The following PLCB2 variants were observed in gnomAD, a reference collection of about 807,000 sequenced individuals.
The protein encoded by PLCB2 is phospholipase C beta 2.
A neutral mutation model predicts 141.7 loss-of-function variants in PLCB2; 115 were observed. The observed-to-expected ratio is 0.81, with a 90% CI of 0.70 to 0.95. The LOEUF is 0.95. Ranked by LOEUF, PLCB2 falls within the 40% of genes least tolerant of loss-of-function variation. PLCB2 has a pLI of 0.00. For missense variants in PLCB2, 1,403 were observed against 1,541.1 expected (o/e 0.91, Z 1.50); for synonymous variants, 603 against 595.6 (o/e 1.01, Z -0.18).
At chr15:40,303,687 C>G (rs1340712633) in intron 2 of PLCB2, among the ~76,000 whole-genome samples, 1 of 152,188 alleles carries the variant, frequency 6.6e-6, no homozygotes, top group Non-Finnish European at 1.5e-5. Context: ...GGGCCTATCT[C>G]TCATCTCCCA....
chr15:40,304,114 C>T (rs2040673054), intron 1 of PLCB2, 36 bp from the exon 2 acceptor site: 1 of 1,475,296 alleles, frequency 6.8e-7, no homozygotes, highest in Admixed American at 1.9e-5. Flanking sequence ...TGTTCCAAGA[C>T]CTCAGGCCAA....
At chr15:40,301,903 T>G (rs2040527393) in intron 7 of PLCB2, 54 bp downstream of exon 7, 1 of 1,537,898 alleles carries the variant, frequency 6.5e-7, no homozygotes, top group African/African-American at 1.4e-5. Context: ...GCCAAGTTGC[T>G]TTCTGGTGGG....
Position 40,294,293 on chromosome 15 carries a change from C to T in PLCB2, c.2034G>A (p.Val678=). Residue 678 remains valine (V), a synonymous_variant, in exon 19 of 32, where the codon GTG becomes GTA. Coordinates refer to ENST00000260402, the MANE Select transcript of PLCB2 (RefSeq NM_004573.3). ...FNPFSVDRID[V]VVATTLSITV... is the part of the protein sequence containing the mutation. The stretch of plus-strand genomic sequence containing the variant: ...TAATGGAAAGGGTGGTGGCCACCAC[C>T]ACGTCGATGCGGTCCACTGAGAAGG... The T allele has an allele frequency of 6.2e-7, 1 of 1,613,988 alleles. No individual in the cohort carries two copies. The highest frequency in any genetic ancestry group is 8.5e-7 in the Non-Finnish European group (1 of 1,180,026).
In PLCB2 at chr15:40,296,579, C is replaced by T; in HGVS notation, c.1542G>A (p.Glu514=). 6.2e-7 allele frequency: 1 copy of T among 1,613,300 alleles called. No individual in the cohort carries two copies. Among genetic ancestry groups the T allele is most frequent in the Non-Finnish European group, 8.5e-7 (1 of 1,179,458 alleles). Residue 514 remains glutamate (E), a synonymous_variant, in exon 15 of 32, where the codon GAG becomes GAA. Coordinates refer to ENST00000260402, the MANE Select transcript of PLCB2 (RefSeq NM_004573.3). ...CATCCAGGTTTCCTGACTCCTCCTCCTCTTCCTCTTCCACCTCCTCCTCCT... is the reference window on the plus strand; with the variant it reads ...CATCCAGGTTTCCTGACTCCTCCTCTTCTTCCTCTTCCACCTCCTCCTCCT... ...ELEEEEVEEE[E]EEESGNLDEE...
In PLCB2 at chr15:40,295,219, G is replaced by C. The variant is rs932400537; in HGVS notation, c.1763C>G (p.Ala588Gly). Reference protein sequence around the residue: ...ELKAYDLLSKASVQFVDYNKR... With the variant: ...ELKAYDLLSKGSVQFVDYNKR... Reference sequence around the variant, plus strand: ...AGGATACTCCACAAACTGCACCGAGGCCTTGGAGAGCAGGTCATATGCCTT... The same window carrying C: ...AGGATACTCCACAAACTGCACCGAGCCCTTGGAGAGCAGGTCATATGCCTT... Residue 588 changes from alanine to glycine, a missense_variant, in exon 17 of 32, where the codon GCC becomes GGC. Transcript: ENST00000260402. The C allele has an allele frequency of 3.1e-6, 5 of 1,613,756 alleles. No individual in the cohort carries two copies. The highest frequency in any genetic ancestry group is 4.2e-6 in the Non-Finnish European group (5 of 1,179,648).
Position 40,302,358 on chromosome 15 carries a change from C to T in PLCB2, c.373-9G>A, listed in dbSNP as rs1362345545. 1.2e-6 allele frequency: 2 copies of T among 1,613,760 alleles called. No homozygotes were observed. Among genetic ancestry groups the T allele is most frequent in the Non-Finnish European group, 1.7e-6 (2 of 1,179,940 alleles). The stretch of plus-strand genomic sequence containing the variant: ...ACGTCCTCAGCCCAGGCCTGCAGGA[C>T]CACAGAGAGCAGCGGTCAGGCTCCT... On this transcript the variant is annotated splice_polypyrimidine_tract_variant and intron_variant, in intron 4 of 31. Transcript: ENST00000260402.
chr15:40,303,233 G>T, intron 3 of PLCB2, 55 bp downstream of exon 3: 2 of 1,288,970 alleles, frequency 1.6e-6, no homozygotes, highest in Non-Finnish European at 1.1e-6. Context: ...CCCTGCCCTT[G>T]CCCCATGGAG....
chr15:40,300,761 C>T (rs1232028977), intron 7 of PLCB2: 1 of 151,304 alleles, frequency 6.6e-6, no homozygotes, highest in Non-Finnish European at 1.5e-5. Context: ...GATTCTGCAC[C>T]TTTGCATTCC....
intron 16 of PLCB2, among the ~76,000 whole-genome samples, 184 bp downstream of exon 16, chr15:40,296,112 G>A (rs916326180): frequency 2.6e-5 from 4 of 152,130 alleles, no homozygotes; most frequent in Non-Finnish European, 5.9e-5. Context: ...GCCTGTCACC[G>A]ACACACTCCA....
At chr15:40,301,617 C>T (rs547440192) in intron 7 of PLCB2, 3 of 703,020 alleles carry the variant, frequency 4.3e-6, no homozygotes, top group Non-Finnish European at 5.2e-6. Context: ...AGGCTGAAAA[C>T]ATTCACGCTC....
In PLCB2 at chr15:40,291,455, C is replaced by G; in HGVS notation, c.2680G>C (p.Glu894Gln). 1 of 1,560,330 alleles carries G rather than the reference C, an allele frequency of 6.4e-7. No individual in the cohort carries two copies. The highest frequency in any genetic ancestry group is 8.6e-7 in the Non-Finnish European group (1 of 1,158,362). ...PRTASLEELR[E>Q]LKGVVKLQRR... ...TGCAGCTTCACCACGCCCTTTAGCT[C>G]CCGGAGCTCCTCCAGGCTGGCGGTC... The change falls in exon 26 of 32, where the codon GAG becomes CAG. Residue 894 changes from glutamate (E) to glutamine (Q), a missense_variant. Physicochemically the swap from Glu to Gln is conservative, Grantham distance 29. Coordinates refer to ENST00000260402, the MANE Select transcript of PLCB2 (RefSeq NM_004573.3).
Position 40,297,238 on chromosome 15 carries a change from C to T in PLCB2, c.1323+283G>A, listed in dbSNP as rs979439714. On this transcript the variant is annotated intron_variant, in intron 13 of 31. Coordinates refer to ENST00000260402, the MANE Select transcript of PLCB2 (RefSeq NM_004573.3). This position sits in a 1 kb window ranked among gnomAD's most constrained non-coding sequence, Gnocchi z 4.2. Reference sequence around the variant, plus strand: ...TCCCCAAGACCAGATCAGAACTCCCCAGGTGCTCCCATAACAACCACTGGA... The same window carrying T: ...TCCCCAAGACCAGATCAGAACTCCCTAGGTGCTCCCATAACAACCACTGGA... Among the ~76,000 whole-genome samples the T allele has an allele frequency of 6.6e-6, 1 of 152,164 alleles. No homozygotes were observed. The highest frequency in any genetic ancestry group is 1.5e-5 in the Non-Finnish European group (1 of 68,024).
intron 29 of PLCB2, 58 bp downstream of exon 29, chr15:40,290,519 G>T: frequency 8.6e-7 from 1 of 1,160,210 alleles, no homozygotes; most frequent in Non-Finnish European, 1.3e-6. Flanking sequence ...TTGTAGAGAG[G>T]CCCCTTTCCA....
chr15:40,299,788 C>T (rs912416367), intron 7 of PLCB2, among the ~76,000 whole-genome samples: 5 of 152,256 alleles, frequency 3.3e-5, no homozygotes, highest in Middle Eastern at 3.4e-3. Context: ...AGGTAACCCA[C>T]AGAATGGGAT....
At position 40,298,313 on chromosome 15, in the gene PLCB2, G is replaced by T; in HGVS notation, c.1065C>A (p.Cys355Ter). The T allele has an allele frequency of 6.2e-7, 1 of 1,607,676 alleles. No individual in the cohort carries two copies. The highest frequency in any genetic ancestry group is 8.5e-7 in the Non-Finnish European group (1 of 1,175,706). ...YRQVLLSGCR[C>*]VELDCWKGKP... is the part of the protein sequence containing the mutation. Reference sequence around the variant, plus strand: ...TCCCCTTCCAGCAGTCTAGCTCCACGCAACGGCAGCCAGAGAGCAGCACCT... The same window carrying T: ...TCCCCTTCCAGCAGTCTAGCTCCACTCAACGGCAGCCAGAGAGCAGCACCT... Residue 355 changes from cysteine to a stop codon, truncating the protein, a stop_gained, in exon 11 of 32, where the codon TGC becomes TGA. Transcript: ENST00000260402. LOFTEE classifies it high-confidence loss of function.
intron 2 of PLCB2, 23 bp from the exon 3 acceptor site, chr15:40,303,379 G>T (rs897334317): frequency 6.3e-7 from 1 of 1,578,442 alleles, no homozygotes; most frequent in Non-Finnish European, 8.7e-7. Flanking sequence ...TGCGGATCCC[G>T]GTGGGAGCAA....
chr15:40,290,149 C>A (rs2039809304), intron 29 of PLCB2, 67 bp from the exon 30 acceptor site: 3 of 998,570 alleles, frequency 3.0e-6, no homozygotes, highest in South Asian at 2.5e-5. Context: ...AACATGAAGT[C>A]TACGCAGGAT....
chr15:40,291,809 T>G (rs942918225), intron 24 of PLCB2, 40 bp downstream of exon 24: 2 of 1,613,470 alleles, frequency 1.2e-6, no homozygotes, highest in Non-Finnish European at 1.7e-6. Flanking sequence ...GGTGCAGAGG[T>G]GGAGGTGCCC....
chr15:40,288,475 G>A lies in PLCB2; in HGVS notation c.*240C>T. 2.4e-6 allele frequency: 3 copies of A among 1,264,424 alleles called. No homozygotes were observed. Among genetic ancestry groups the A allele is most frequent in the Non-Finnish European group, 3.0e-6 (3 of 1,004,446 alleles). The allele number at this position is 1,264,424 out of a possible 1,614,324, so 78.3% of individuals were successfully genotyped here. ...TATATGACACTTATCTAGAGATGGAGGGGGAGGTAGGAAGTCAGCTTGAGA... is the reference window on the plus strand; with the variant it reads ...TATATGACACTTATCTAGAGATGGAAGGGGAGGTAGGAAGTCAGCTTGAGA... On this transcript the variant is annotated 3_prime_UTR_variant, in exon 32 of 32. Coordinates refer to ENST00000260402, the MANE Select transcript of PLCB2 (RefSeq NM_004573.3).
Sources: allele counts gnomAD v4.1 joint callset (sites outside exome capture counted in the v4.1 genomes callset), GRCh38; gene constraint gnomAD v4.1.1; non-coding constraint Gnocchi (gnomAD v3.1); transcripts MANE v1.5; gene names NCBI Gene and HGNC (gene_info 2026-07-23, HGNC 2026-07-21).